Variants in OTUB2 observed in about 807,000 individuals in gnomAD.
OTUB2 encodes the protein OTU deubiquitinase, ubiquitin aldehyde binding 2.
Under a neutral mutation model 25.1 loss-of-function variants are expected in OTUB2, and 21 were observed. That is an observed-to-expected ratio of 0.84 (90% CI 0.59 to 1.21). The LOEUF is 1.21. OTUB2 is among the 50% of genes most tolerant of loss of function. OTUB2 has a pLI of 0.00. For missense variants in OTUB2, 283 were observed against 298.0 expected (o/e 0.95, Z 0.37); for synonymous variants, 122 against 122.8 (o/e 0.99, Z 0.04).
intron 1 of OTUB2, among the ~76,000 whole-genome samples, chr14:94,028,508 T>C (rs938926620): frequency 6.6e-6 from 1 of 152,254 alleles, no homozygotes; most frequent in Non-Finnish European, 1.5e-5. Flanking sequence ...TGGCAGGGAC[T>C]GCAAATAGCT....
Position 94,037,422 on chromosome 14 carries a change from C to A in OTUB2, c.46C>A (p.Leu16Ile). 1.9e-6 allele frequency: 3 copies of A among 1,605,384 alleles called. No individual in the cohort carries two copies. Among genetic ancestry groups the A allele is most frequent in the South Asian group, 2.2e-5 (2 of 90,774 alleles). The change falls in exon 2 of 6, where the codon CTA (leucine) becomes ATA (isoleucine). Residue 16 changes from leucine to isoleucine, a missense_variant. Physicochemically the swap from Leu to Ile is conservative, Grantham distance 5. Coordinates refer to ENST00000203664, the MANE Select transcript of OTUB2 (RefSeq NM_023112.4). ...CCTAATATCAGAAAAATGTGACATT[C>A]TATCCATTCTTCGGGACCATCCTGA... is the stretch of plus-strand genomic sequence containing the variant. Reference protein sequence around the residue: ...FNLISEKCDILSILRDHPENR... With the variant: ...FNLISEKCDIISILRDHPENR...
At chr14:94,037,116 G>A (rs1885069291) in intron 1 of OTUB2, among the ~76,000 whole-genome samples, 1 of 152,212 alleles carries the variant, frequency 6.6e-6, no homozygotes, top group South Asian at 2.1e-4. Flanking sequence ...TCTGTGAAAT[G>A]AATCAGGCTT....
At chr14:94,032,405 C>A (rs114803355) in intron 1 of OTUB2, among the ~76,000 whole-genome samples, 3,048 of 152,200 alleles carry the variant, frequency 0.02, 98 homozygotes, top group African/African-American at 0.069. Flanking sequence ...TTTAAAAAGA[C>A]AAATGCATTT....
intron 1 of OTUB2, among the ~76,000 whole-genome samples, chr14:94,028,642 C>T (rs1315271658): frequency 9.9e-5 from 15 of 152,238 alleles, no homozygotes; most frequent in East Asian, 5.8e-4. Flanking sequence ...CCCCAGTGGG[C>T]ACCTTTGTCA....
In OTUB2 at chr14:94,044,657, G is replaced by A; in HGVS notation, c.375G>A (p.Gln125=). The change falls in exon 5 of 6, where the codon CAG becomes CAA. Residue 125 remains glutamine, a synonymous_variant. Transcript: ENST00000203664. ...VSSLLKVFND[Q]SASDHIVQFL... is the part of the protein sequence containing the mutation. The stretch of plus-strand genomic sequence containing the variant: ...GCCTGCTGAAGGTGTTCAACGACCA[G>A]AGTGCCTCGGACCACATCGTGCAGT... 1 of 1,614,208 alleles carries A rather than the reference G, an allele frequency of 6.2e-7. No homozygotes were observed. The highest frequency in any genetic ancestry group is 8.5e-7 in the Non-Finnish European group (1 of 1,180,048).
rs769871938 is a variant in OTUB2, at chr14:94,044,819, C to T, written c.498+39C>T. 10 of 1,571,108 alleles carry T rather than the reference C, an allele frequency of 6.4e-6. No individual in the cohort carries two copies. In the East Asian group the frequency reaches 1.4e-4, roughly 21 times the overall value. On this transcript the variant is annotated intron_variant, in intron 5 of 5. Transcript: ENST00000203664. Reference sequence around the variant, plus strand: ...GTCTCAGCCCCAGCCCTGGGCTCTGCTCCTGTGGCCCTGTCCTGCAGACTT... The same window carrying T: ...GTCTCAGCCCCAGCCCTGGGCTCTGTTCCTGTGGCCCTGTCCTGCAGACTT...
rs779625762 is a variant in OTUB2, at chr14:94,026,583, G to A, written c.3+43G>A. 7 of 1,229,052 alleles carry A rather than the reference G, an allele frequency of 5.7e-6. No homozygotes were observed. In the East Asian group the frequency reaches 9.5e-5, roughly 17 times the overall value. The allele number at this position is 1,229,052 out of a possible 1,614,324, so 76.1% of individuals were successfully genotyped here. A position where few individuals can be genotyped will look rare whatever the true frequency, so the allele number is the denominator to read the frequency against. ...ATCGCGAAGGGGGAGCGGGCAGGGG[G>A]CGCGGTGGGCGGGGTCGCTGCCGGA... On this transcript the variant is annotated intron_variant, in intron 1 of 5. Coordinates refer to ENST00000203664, the MANE Select transcript of OTUB2 (RefSeq NM_023112.4).
Position 94,045,779 on chromosome 14 carries a change from A to C in OTUB2, c.562A>C (p.Ser188Arg). 6.2e-7 allele frequency: 1 copy of C among 1,614,200 alleles called. No homozygotes were observed. The highest frequency in any genetic ancestry group is 8.5e-7 in the Non-Finnish European group (1 of 1,180,048). ...GATCACGGCGTTGTCGCAGGCCCTG[A>C]GCATTGCCCTGCAAGTGGAGTACGT... ...IQITALSQAL[S>R]IALQVEYVDE... Residue 188 changes from serine to arginine, a missense_variant, in exon 6 of 6, where the codon AGC (serine) becomes CGC (arginine). Transcript: ENST00000203664.
At chr14:94,032,067 G>A (rs1177064538) in intron 1 of OTUB2, among the ~76,000 whole-genome samples, 2 of 152,244 alleles carry the variant, frequency 1.3e-5, no homozygotes, top group African/African-American at 4.8e-5. Flanking sequence ...CTTGCCAGGG[G>A]TGTGGCCAGA....
chr14:94,044,319 G>A (rs1371894393), intron 4 of OTUB2, among the ~76,000 whole-genome samples: 1 of 152,222 alleles, frequency 6.6e-6, no homozygotes, highest in African/African-American at 2.4e-5. Flanking sequence ...GTGTGCACGT[G>A]AGAATCCAAA....
At chr14:94,042,034 T>C (rs2141413376) in intron 3 of OTUB2, among the ~76,000 whole-genome samples, 1 of 152,306 alleles carries the variant, frequency 6.6e-6, no homozygotes, top group African/African-American at 2.4e-5. Context: ...GGCAGACACT[T>C]GTTCTCTGCT....
At chr14:94,029,513 C>T (rs915659201) in intron 1 of OTUB2, among the ~76,000 whole-genome samples, 2 of 152,134 alleles carry the variant, frequency 1.3e-5, no homozygotes, top group African/African-American at 4.8e-5. Flanking sequence ...TCCTGTATGC[C>T]GGTCTGTGTC....
intron 4 of OTUB2, among the ~76,000 whole-genome samples, 184 bp from the exon 5 acceptor site, chr14:94,044,402 A>AGT (rs1761274259): frequency 6.6e-6 from 1 of 152,222 alleles, no homozygotes; most frequent in African/African-American, 2.4e-5. Flanking sequence ...CAAACTGCAA[A>AGT]GTCTTGCTAA....
chr14:94,032,608 G>C (rs889850760), intron 1 of OTUB2, among the ~76,000 whole-genome samples: 15 of 152,100 alleles, frequency 9.9e-5, no homozygotes, highest in African/African-American at 3.6e-4. Context: ...GGATGGGTGG[G>C]GGCGAGGGTT....
chr14:94,045,649 C>G, intron 5 of OTUB2, 67 bp from the exon 6 acceptor site: 1 of 1,487,056 alleles, frequency 6.7e-7, no homozygotes. Context: ...AGAGCCAGAG[C>G]TGAACTCACT....
At chr14:94,033,497 T>C (rs1431228400) in intron 1 of OTUB2, among the ~76,000 whole-genome samples, 1 of 152,238 alleles carries the variant, frequency 6.6e-6, no homozygotes, top group African/African-American at 2.4e-5. Flanking sequence ...GTAGCTGATT[T>C]TGTGTCCTCC....
Position 94,038,983 on chromosome 14 carries a change from C to A in OTUB2, c.120C>A (p.Thr40=). The A allele has an allele frequency of 6.2e-7, 1 of 1,614,178 alleles. No individual in the cohort carries two copies. Among genetic ancestry groups the A allele is most frequent in the Non-Finnish European group, 8.5e-7 (1 of 1,180,036 alleles). ...RKIEELSKRF[T]AIRKTKGDGN... ...CTCAGGAACTCAGCAAAAGGTTCAC[C>A]GCCATCCGCAAGACCAAAGGGGATG... is the stretch of plus-strand genomic sequence containing the variant. Residue 40 remains threonine, a synonymous_variant, in exon 3 of 6, where the codon ACC becomes ACA. Coordinates refer to ENST00000203664, the MANE Select transcript of OTUB2 (RefSeq NM_023112.4).
chr14:94,035,281 CTTTTCTTTTTTTTTTTTTTTTTTT>C (rs1885031984), intron 1 of OTUB2, among the ~76,000 whole-genome samples: 1 of 122,740 alleles, frequency 8.1e-6, no homozygotes, highest in South Asian at 2.6e-4. Context: ...TTTTTTTTTT[CTTTTCTTTTTTTTTTTTTTTTTTT>C]TTGAGACAGA....
At chr14:94,028,053 A>G (rs1169510242) in intron 1 of OTUB2, among the ~76,000 whole-genome samples, 1 of 152,228 alleles carries the variant, frequency 6.6e-6, no homozygotes. Context: ...TCTTTGTGCC[A>G]TGCAGTGAGG....
Sources: gnomAD v4.1 joint callset for allele counts (sites outside exome capture counted in the v4.1 genomes callset) on GRCh38, gnomAD v4.1.1 for gene constraint, MANE v1.5 for transcripts, NCBI Gene and HGNC (gene_info 2026-07-23, HGNC 2026-07-21) for gene names.